ATAD5: variants seen among roughly 807,000 people sequenced by gnomAD.
ATAD5 encodes the protein ATPase family AAA domain containing 5.
A neutral mutation model predicts 176.9 loss-of-function variants in ATAD5; 58 were observed. The ratio of observed to expected loss-of-function variants is 0.33; its 90% confidence interval spans 0.27 to 0.41. The LOEUF (loss-of-function observed/expected upper bound fraction) is 0.41, where lower values mean the gene tolerates loss of function less well. ATAD5 is among the 10% of genes least tolerant of loss of function. The probability of loss-of-function intolerance (pLI) is 1.00; values close to 1 mark genes in which losing one functional copy is unlikely to be tolerated. For synonymous variants in ATAD5, 640 were observed against 712.6 expected, an observed-to-expected ratio of 0.90 and a Z score of 1.62; for missense variants, 1,789 against 2,094.1, an observed-to-expected ratio of 0.85 and a Z score of 2.84.
intron 9 of ATAD5, among the ~76,000 whole-genome samples, chr17:30,858,873 C>T (rs1370521708): frequency 6.6e-6 from 1 of 152,058 alleles, no homozygotes; most frequent in East Asian, 1.9e-4. Context: ...TTTACTTATT[C>T]TCTTGAGACT....
At position 30,834,308 on chromosome 17, in the gene ATAD5, C is replaced by T. The variant is rs777931894; in HGVS notation, c.227C>T (p.Thr76Ile). 3 of 1,613,270 alleles carry T rather than the reference C, an allele frequency of 1.9e-6. No homozygotes were observed. The highest frequency in any genetic ancestry group is 4.5e-5 in the East Asian group (2 of 44,800). The stretch of plus-strand genomic sequence containing the variant: ...AAGACTTCACCCACAAATGAGAAGA[C>T]ACAATTAGGGAAAGAGTGCAAGATA... ...FRKTSPTNEK[T>I]QLGKECKIKS... is the part of the protein sequence containing the mutation. The change falls in exon 2 of 23, where the codon ACA becomes ATA. Residue 76 changes from threonine to isoleucine, a missense_variant. Thr to Ile is a moderately conservative substitution (Grantham distance 89). This residue lies in a region of ATAD5 where 696 missense variants were observed against 712.5 expected (regional missense o/e 0.98). Transcript: ENST00000321990.
In ATAD5 at chr17:30,893,628, T is replaced by C. The variant is rs1909752820; in HGVS notation, c.4775T>C (p.Leu1592Pro). ...DLDFPDQSIS[L>P]SSVSSSSNAE... ...GACTTTCCTGATCAATCTATTAGCC[T>C]GTCCTCTGTATCATCTTCCTCAAAT... The change falls in exon 21 of 23, where the codon CTG becomes CCG. Residue 1592 changes from leucine to proline, a missense_variant. Transcript: ENST00000321990. The C allele has an allele frequency of 6.2e-7, 1 of 1,613,860 alleles. No homozygotes were observed. The highest frequency in any genetic ancestry group is 1.7e-5 in the Admixed American group (1 of 59,978).
intron 6 of ATAD5, among the ~76,000 whole-genome samples, chr17:30,850,852 TATATATATATATATATA>T (rs1447286802): frequency 5.1e-5 from 2 of 39,572 alleles, no homozygotes; most frequent in African/African-American, 1.2e-4. Flanking sequence ...TATATATATA[TATATATATATATATATA>T]TTTTTTTTTT....
Position 30,851,523 on chromosome 17 carries a change from T to A in ATAD5, c.2451-3620T>A, listed in dbSNP as rs892166774. Among the ~76,000 whole-genome samples the A allele has an allele frequency of 7.6e-5, 11 of 144,780 alleles. No homozygotes were observed. In the South Asian group the frequency reaches 8.7e-4, roughly 11 times the overall value. The allele number at this position is 144,780 out of a possible 152,430, so 95.0% of individuals were successfully genotyped here. On this transcript the variant is annotated intron_variant, in intron 6 of 22. Coordinates refer to ENST00000321990, the MANE Select transcript of ATAD5 (RefSeq NM_024857.5). The stretch of plus-strand genomic sequence containing the variant: ...AAAAAAAAAAAAAAAATCCTAAGGG[T>A]AGGCCAGGCATAGTGGCTCACACCT...
Position 30,879,412 on chromosome 17 carries a change from T to A in ATAD5, c.4013-11T>A. On this transcript the variant is annotated splice_polypyrimidine_tract_variant and intron_variant, in intron 17 of 22. Coordinates refer to ENST00000321990, the MANE Select transcript of ATAD5 (RefSeq NM_024857.5). The stretch of plus-strand genomic sequence containing the variant: ...AGAATTTTTTTTTTTTGTGTGTGTG[T>A]GTGTGTGTAGACCCAACATTTAGTT... The A allele has an allele frequency of 6.2e-7, 1 of 1,604,714 alleles. No homozygotes were observed. Among genetic ancestry groups the A allele is most frequent in the Non-Finnish European group, 8.5e-7 (1 of 1,177,392 alleles).
intron 9 of ATAD5, 40 bp from the exon 10 acceptor site, chr17:30,860,393 T>C: frequency 6.4e-7 from 1 of 1,558,600 alleles, no homozygotes. Flanking sequence ...TGGTTTTTGT[T>C]GATTAGTAAG....
intron 19 of ATAD5, among the ~76,000 whole-genome samples, chr17:30,889,892 T>C (rs1909533295): frequency 7.0e-6 from 1 of 142,048 alleles, no homozygotes; most frequent in Non-Finnish European, 1.5e-5. Context: ...CTTTCTTTTT[T>C]TTTTTTTTTT....
intron 19 of ATAD5, 128 bp downstream of exon 19, chr17:30,887,500 T>C: frequency 2.8e-6 from 2 of 719,218 alleles, no homozygotes; most frequent in Non-Finnish European, 4.5e-6. Flanking sequence ...GAGGATCTCT[T>C]GAGGCCAGGA....
intron 6 of ATAD5, 27 bp downstream of exon 6, chr17:30,844,943 C>G: frequency 6.6e-7 from 1 of 1,514,694 alleles, no homozygotes; most frequent in Non-Finnish European, 9.0e-7. Context: ...TTTTTAAATG[C>G]CAAAATATTT....
At chr17:30,850,869 A>ATT (rs58433358) in intron 6 of ATAD5, among the ~76,000 whole-genome samples, 5 of 14,776 alleles carry the variant, frequency 3.4e-4, no homozygotes, top group Non-Finnish European at 4.8e-4. Context: ...ATATATATAT[A>ATT]TTTTTTTTTT....
chr17:30,854,412 C>A (rs1907169805), intron 6 of ATAD5, among the ~76,000 whole-genome samples: 2 of 128,116 alleles, frequency 1.6e-5, no homozygotes, highest in Non-Finnish European at 3.1e-5. Flanking sequence ...CCCTCTTTCA[C>A]CCAGGCTGGA....
intron 17 of ATAD5, among the ~76,000 whole-genome samples, chr17:30,878,641 A>G (rs956011460): frequency 6.6e-6 from 1 of 151,034 alleles, no homozygotes; most frequent in Non-Finnish European, 1.5e-5. Context: ...GTCTCTACTT[A>G]CAAATTAATG....
In ATAD5 at chr17:30,876,702, C is replaced by CT. The variant is rs202065630; in HGVS notation, c.3784+180dup. The CT allele has an allele frequency of 9.2e-3, 1,173 of 127,656 alleles. 95 individuals carry two copies. The highest frequency in any genetic ancestry group is 0.012 in the African/African-American group (263 of 21,584). The allele number at this position is 127,656 out of a possible 1,614,324, so 7.9% of individuals were successfully genotyped here. On this transcript the variant is annotated intron_variant, in intron 15 of 22. Transcript: ENST00000321990. ...TGTAGAAGTGTTAATATTTTGTTTC[C>CT]TTTTTTTTTTTTTTTTTTTTTTTTT...
At chr17:30,882,127 A>T (rs899361173) in intron 18 of ATAD5, among the ~76,000 whole-genome samples, 3 of 151,860 alleles carry the variant, frequency 2.0e-5, no homozygotes, top group Non-Finnish European at 4.4e-5. Context: ...GTGGTGGTGC[A>T]TGCCTGTAAT....
At chr17:30,850,831 TTTTATATATATATATATATATATATA>T (rs1289716030) in intron 6 of ATAD5, among the ~76,000 whole-genome samples, 1 of 62,586 alleles carries the variant, frequency 1.6e-5, no homozygotes, top group African/African-American at 7.3e-5. Context: ...ATTTATATAT[TTTTATATATATATATATATATATATA>T]TATATATATA....
At chr17:30,838,888 C>A (rs1348111079) in intron 3 of ATAD5, among the ~76,000 whole-genome samples, 2 of 152,124 alleles carry the variant, frequency 1.3e-5, no homozygotes, top group Non-Finnish European at 2.9e-5. Context: ...ACCACAGGGC[C>A]CTTGTTGTTC....
Position 30,835,966 on chromosome 17 carries a change from A to G in ATAD5, c.1885A>G (p.Lys629Glu), listed in dbSNP as rs1427662852. The G allele has an allele frequency of 6.2e-7, 1 of 1,613,982 alleles. No homozygotes were observed. The highest frequency in any genetic ancestry group is 1.3e-5 in the African/African-American group (1 of 74,924). Reference protein sequence around the residue: ...DNSQLKASTQKAANLSEKHSL... With the variant: ...DNSQLKASTQEAANLSEKHSL... ...TAGTCAACTAAAGGCTTCCACTCAAAAAGCAGCCAACTTATCGGAAAAGCA... is the reference window on the plus strand; with the variant it reads ...TAGTCAACTAAAGGCTTCCACTCAAGAAGCAGCCAACTTATCGGAAAAGCA... The change falls in exon 2 of 23, where the codon AAA becomes GAA. Residue 629 changes from lysine to glutamate, a missense_variant. Physicochemically the swap from Lys to Glu is moderately conservative, Grantham distance 56. Coordinates refer to ENST00000321990, the MANE Select transcript of ATAD5 (RefSeq NM_024857.5).
intron 9 of ATAD5, among the ~76,000 whole-genome samples, chr17:30,860,111 T>C (rs1284791191): frequency 1.3e-5 from 2 of 151,920 alleles, no homozygotes; most frequent in Non-Finnish European, 2.9e-5. Context: ...GCAGCCTCGA[T>C]CTCCCGGGTT....
rs1166724670 is a variant in ATAD5 at position 30,837,333 on chromosome 17, A to T, written c.2076+19A>T. 1 of 1,430,194 alleles carries T rather than the reference A, an allele frequency of 7.0e-7. No homozygotes were observed. The highest frequency in any genetic ancestry group is 9.5e-7 in the Non-Finnish European group (1 of 1,047,144). 88.6% of individuals were successfully genotyped at this position (1,430,194 alleles called of 1,614,324 possible). On this transcript the variant is annotated intron_variant, in intron 3 of 22. Transcript: ENST00000321990. Reference sequence around the variant, plus strand: ...TAGAAAGGTAATTAAAATATTAGAGAGTCCTATAAGTGCCATTCTGTTTCC... The same window carrying T: ...TAGAAAGGTAATTAAAATATTAGAGTGTCCTATAAGTGCCATTCTGTTTCC...
Sources: allele counts gnomAD v4.1 joint callset (sites outside exome capture counted in the v4.1 genomes callset), GRCh38; gene constraint gnomAD v4.1.1; regional missense constraint gnomAD v4.1.1; transcripts MANE v1.5; gene names NCBI Gene and HGNC (gene_info 2026-07-23, HGNC 2026-07-21).